The following PTER variants were observed in gnomAD, a reference collection of about 807,000 sequenced individuals.
PTER encodes phosphotriesterase related.
In PTER, 38 loss-of-function variants were observed where a neutral mutation model predicts 29.6. That is an observed-to-expected ratio of 1.28 (90% CI 0.99 to 1.68). The LOEUF (loss-of-function observed/expected upper bound fraction) is 1.68, where lower values mean the gene tolerates loss of function less well. Ranked by LOEUF, PTER falls within the 40% of genes most tolerant of loss-of-function variation. The pLI, the probability that PTER is intolerant of heterozygous loss-of-function variation, is 0.00. For missense variants in PTER, 482 were observed against 427.8 expected (o/e 1.13, Z -1.12); for synonymous variants, 172 against 154.5 (o/e 1.11, Z -0.84).
intron 1 of PTER, among the ~76,000 whole-genome samples, chr10:16,452,900 G>A (rs1230281068): frequency 6.6e-6 from 1 of 152,000 alleles, no homozygotes; most frequent in Non-Finnish European, 1.5e-5. Context: ...TTACAGGCAT[G>A]CCCTCACACC....
intron 3 of PTER, among the ~76,000 whole-genome samples, chr10:16,489,336 A>T (rs1290891815): frequency 6.6e-6 from 1 of 152,188 alleles, no homozygotes; most frequent in Non-Finnish European, 1.5e-5. Flanking sequence ...TTTCGATTCA[A>T]CCTTTAAAAA....
rs529918971 is a variant in PTER, at chr10:16,482,263, G to A, written c.-48-2074G>A. Among the ~76,000 whole-genome samples, 38 of 152,244 alleles carry A rather than the reference G, an allele frequency of 2.5e-4. No individual in the cohort carries two copies. In the East Asian group the frequency reaches 3.1e-3, roughly 12 times the overall value. On this transcript the variant is annotated intron_variant, in intron 1 of 4. Transcript: ENST00000535784. ...TTGCTATAAATTGGCCTACAATTCT[G>A]TCACCCTCTGACCTCTGATGTTGTT...
At chr10:16,466,705 C>T (rs969843464) in intron 1 of PTER, among the ~76,000 whole-genome samples, 1 of 152,168 alleles carries the variant, frequency 6.6e-6, no homozygotes, top group African/African-American at 2.4e-5. Context: ...AAAATCAAGA[C>T]TTTTCTTGGA....
At chr10:16,488,603 G>GGAGAGAGA (rs35122897) in intron 3 of PTER, among the ~76,000 whole-genome samples, 4 of 133,964 alleles carry the variant, frequency 3.0e-5, no homozygotes, top group African/African-American at 8.0e-5. Context: ...ATATATATAT[G>GGAGAGAGA]GAGAGAGAGA....
At chr10:16,449,433 T>C (rs1031317859) in intron 1 of PTER, among the ~76,000 whole-genome samples, 2 of 143,710 alleles carry the variant, frequency 1.4e-5, no homozygotes, top group Non-Finnish European at 3.0e-5. Context: ...ATTTTCTTTT[T>C]TTTTTTTTTT....
At chr10:16,494,470 G>A (rs1836018163) in intron 3 of PTER, among the ~76,000 whole-genome samples, 1 of 152,112 alleles carries the variant, frequency 6.6e-6, no homozygotes, top group Non-Finnish European at 1.5e-5. Context: ...ATGGATAATA[G>A]CATACTGAAT....
intron 1 of PTER, among the ~76,000 whole-genome samples, chr10:16,449,929 C>T (rs751958975): frequency 5.9e-5 from 9 of 152,158 alleles, no homozygotes; most frequent in Non-Finnish European, 1.0e-4. Flanking sequence ...CACATTTCAG[C>T]TAACCAAACA....
Position 16,484,393 on chromosome 10 carries a change from C to T in PTER, c.9C>T (p.Ser3=). 6.3e-7 allele frequency: 1 copy of T among 1,582,462 alleles called. No individual in the cohort carries two copies. The highest frequency in any genetic ancestry group is 8.5e-7 in the Non-Finnish European group (1 of 1,169,694). Residue 3 remains serine, a synonymous_variant, in exon 2 of 5, where the codon TCC becomes TCT. Transcript: ENST00000535784. ...TGGTGGTACCATCAGAAATGTCTTCCTTAAGTGGAAAAGTCCAAACCGTTT... is the reference window on the plus strand; with the variant it reads ...TGGTGGTACCATCAGAAATGTCTTCTTTAAGTGGAAAAGTCCAAACCGTTT... MS[S]LSGKVQTVLG...
At chr10:16,498,119 C>T (rs899757095) in intron 3 of PTER, among the ~76,000 whole-genome samples, 2 of 152,202 alleles carry the variant, frequency 1.3e-5, no homozygotes, top group Admixed American at 6.5e-5. Flanking sequence ...TTGTAAATGA[C>T]ATTGCAATCA....
intron 1 of PTER, among the ~76,000 whole-genome samples, chr10:16,458,575 A>G (rs1201995108): frequency 4.6e-5 from 7 of 152,236 alleles, no homozygotes; most frequent in Non-Finnish European, 4.4e-5. Context: ...GTTAAATTGT[A>G]ATTAAACACT....
chr10:16,499,666 A>G (rs1836255884), intron 3 of PTER, among the ~76,000 whole-genome samples: 2 of 152,162 alleles, frequency 1.3e-5, no homozygotes, highest in South Asian at 4.2e-4. Flanking sequence ...CTGGTCTGGA[A>G]TTCATGAGCT....
chr10:16,486,450 T>A lies in PTER; in HGVS notation c.531T>A (p.Thr177=). 1 of 1,614,040 alleles carries A rather than the reference T, an allele frequency of 6.2e-7. No individual in the cohort carries two copies. The highest frequency in any genetic ancestry group is 8.5e-7 in the Non-Finnish European group (1 of 1,179,946). The change falls in exon 3 of 5, where the codon ACT becomes ACA. Residue 177 remains threonine (T), a synonymous_variant. Coordinates refer to ENST00000535784, the MANE Select transcript of PTER (RefSeq NM_001261836.2). ...AAATTGGTTGCTCCTGGCCTTTGAC[T>A]GAGAGTGAAAGAAAGGTTCTCCAGG... is the stretch of plus-strand genomic sequence containing the variant. ...IGEIGCSWPL[T]ESERKVLQAT...
chr10:16,445,109 A>G (rs1436183202), intron 1 of PTER, among the ~76,000 whole-genome samples: 2 of 152,230 alleles, frequency 1.3e-5, no homozygotes, highest in East Asian at 3.8e-4. Context: ...ATTTTTTAAA[A>G]AGGAGAATAA....
chr10:16,493,954 C>T (rs890017833), intron 3 of PTER, among the ~76,000 whole-genome samples: 2 of 152,120 alleles, frequency 1.3e-5, no homozygotes, highest in African/African-American at 2.4e-5. Context: ...GTGCTCTATC[C>T]AGTACATTCT....
At chr10:16,457,167 A>G (rs1834432296) in intron 1 of PTER, among the ~76,000 whole-genome samples, 1 of 151,944 alleles carries the variant, frequency 6.6e-6, no homozygotes, top group African/African-American at 2.4e-5. Flanking sequence ...ATAGTCATTA[A>G]CGCTTTAATA....
At chr10:16,470,621 A>C (rs1835011602) in intron 1 of PTER, among the ~76,000 whole-genome samples, 1 of 152,110 alleles carries the variant, frequency 6.6e-6, no homozygotes, top group African/African-American at 2.4e-5. Flanking sequence ...TACAAAACTT[A>C]GCTGGGTGTG....
intron 1 of PTER, among the ~76,000 whole-genome samples, chr10:16,461,981 C>T (rs1834629353): frequency 6.6e-6 from 1 of 151,256 alleles, no homozygotes; most frequent in Admixed American, 6.6e-5. Flanking sequence ...GACCGTATTT[C>T]CTAGGATTTT....
intron 4 of PTER, among the ~76,000 whole-genome samples, chr10:16,505,554 G>T (rs749135881): frequency 7.2e-5 from 11 of 152,154 alleles, no homozygotes; most frequent in Non-Finnish European, 1.3e-4. Flanking sequence ...TATTTGAAAT[G>T]CTTTATCAAA....
chr10:16,485,748 A>C (rs1835670119), intron 2 of PTER, among the ~76,000 whole-genome samples: 1 of 152,184 alleles, frequency 6.6e-6, no homozygotes, highest in Admixed American at 6.6e-5. Context: ...GTGTGCTGTG[A>C]ATTTTCTATG....
Sources: gnomAD v4.1 joint callset for allele counts (sites outside exome capture counted in the v4.1 genomes callset) on GRCh38, gnomAD v4.1.1 for gene constraint, MANE v1.5 for transcripts, NCBI Gene and HGNC (gene_info 2026-07-23, HGNC 2026-07-21) for gene names.